The following NRXN3 variants were observed in gnomAD, a reference collection of about 807,000 sequenced individuals.
The protein encoded by NRXN3 is neurexin 3, also known as neurexin III.
In NRXN3, 32 loss-of-function variants were observed where a neutral mutation model predicts 137.6. That is an observed-to-expected ratio of 0.23 (90% CI 0.18 to 0.31). NRXN3 has a LOEUF of 0.31. Ranked by LOEUF, NRXN3 falls within the 10% of genes least tolerant of loss-of-function variation. The probability of loss-of-function intolerance (pLI) is 1.00; values close to 1 mark genes in which losing one functional copy is unlikely to be tolerated. For synonymous variants in NRXN3, 798 were observed against 784.5 expected, an observed-to-expected ratio of 1.02 and a Z score of -0.29; for missense variants, 1,574 against 2,062.5, an observed-to-expected ratio of 0.76 and a Z score of 4.59.
intron 15 of NRXN3, among the ~76,000 whole-genome samples, chr14:79,193,044 C>T (rs1004001406): frequency 1.3e-5 from 2 of 151,900 alleles, no homozygotes; most frequent in Non-Finnish European, 2.9e-5. Flanking sequence ...GCTGGGATTA[C>T]AGGCGTGAGC....
chr14:78,288,245 G>T (rs963275941), intron 3 of NRXN3, among the ~76,000 whole-genome samples: 1 of 152,146 alleles, frequency 6.6e-6, no homozygotes, highest in Non-Finnish European at 1.5e-5. Context: ...TTCCAAAAGT[G>T]CTGGGATTAC....
chr14:79,568,625 C>T (rs1370555384), intron 16 of NRXN3, among the ~76,000 whole-genome samples: 1 of 152,200 alleles, frequency 6.6e-6, no homozygotes, highest in Non-Finnish European at 1.5e-5. Flanking sequence ...AGCCGGGAGA[C>T]TCCTCCTGTG....
chr14:79,342,358 T>C (rs1025262625), intron 15 of NRXN3, among the ~76,000 whole-genome samples: 2 of 152,208 alleles, frequency 1.3e-5, no homozygotes, highest in African/African-American at 4.8e-5. Context: ...TCTCCTGATA[T>C]TAGAGTCTGG....
chr14:79,038,302 G>A (rs2099619553), intron 15 of NRXN3, among the ~76,000 whole-genome samples: 1 of 151,988 alleles, frequency 6.6e-6, no homozygotes, highest in African/African-American at 2.4e-5. Context: ...GAAGAGATAA[G>A]CAGTTTATTC....
chr14:78,873,568 C>T (rs2099106453), intron 10 of NRXN3, among the ~76,000 whole-genome samples: 1 of 152,186 alleles, frequency 6.6e-6, no homozygotes. Context: ...AACATCATTT[C>T]AGTTAACTGA....
At chr14:78,292,023 G>C (rs899412999) in intron 3 of NRXN3, among the ~76,000 whole-genome samples, 1 of 152,196 alleles carries the variant, frequency 6.6e-6, no homozygotes, top group African/African-American at 2.4e-5. Flanking sequence ...CATCTGAGGT[G>C]GGTGGGATAT....
At chr14:78,917,106 G>A (rs1008435377) in intron 10 of NRXN3, among the ~76,000 whole-genome samples, 1 of 152,156 alleles carries the variant, frequency 6.6e-6, no homozygotes, top group Non-Finnish European at 1.5e-5. Flanking sequence ...TGTTTGGAGG[G>A]ACAGAATTCA....
chr14:78,294,845 T>C (rs12435398), intron 3 of NRXN3, among the ~76,000 whole-genome samples: 29,694 of 152,106 alleles, frequency 0.2, 3,010 homozygotes, highest in Middle Eastern at 0.31. Flanking sequence ...AGCACATGCA[T>C]ACCTTCGCAG....
At chr14:78,332,324 T>C (rs1463179099) in intron 4 of NRXN3, among the ~76,000 whole-genome samples, 15 of 150,226 alleles carry the variant, frequency 1.0e-4, no homozygotes, top group African/African-American at 3.4e-4. Context: ...TCTTCTTTTT[T>C]TTTTTTTTTT....
intron 16 of NRXN3, among the ~76,000 whole-genome samples, chr14:79,612,266 C>A (rs993982020): frequency 5.3e-5 from 8 of 152,152 alleles, no homozygotes; most frequent in African/African-American, 1.7e-4. Context: ...GGAGGAAATT[C>A]ATTGGTTCAG....
intron 15 of NRXN3, among the ~76,000 whole-genome samples, chr14:79,438,829 A>AG (rs2095884065): frequency 6.6e-6 from 1 of 152,244 alleles, no homozygotes; most frequent in Non-Finnish European, 1.5e-5. Context: ...AGATAATAAG[A>AG]GAAAGGTGCC....
chr14:79,824,200 C>T lies in NRXN3; in HGVS notation c.4093+19010C>T, dbSNP rs533594294. ...CTTTACATTCATGTCTCTCTACCTCCCTCTTCCTCTTCTGTCTCTCCCTCG... is the reference window on the plus strand; with the variant it reads ...CTTTACATTCATGTCTCTCTACCTCTCTCTTCCTCTTCTGTCTCTCCCTCG... On this transcript the variant is annotated intron_variant, in intron 20 of 20. Coordinates refer to ENST00000335750, the MANE Select transcript of NRXN3 (RefSeq NM_001330195.2). 2.0e-5 allele frequency among the ~76,000 whole-genome samples: 3 copies of T among 152,300 alleles called. No homozygotes were observed. The East Asian group carries it at 5.8e-4, about 29-fold the overall frequency.
At chr14:79,855,905 T>G (rs1282356638) in intron 20 of NRXN3, among the ~76,000 whole-genome samples, 2 of 152,190 alleles carry the variant, frequency 1.3e-5, no homozygotes, top group African/African-American at 2.4e-5. Context: ...ACCAAATTCC[T>G]AGCACTAGTA....
At chr14:78,945,221 G>C (rs1201202566) in intron 10 of NRXN3, among the ~76,000 whole-genome samples, 18 of 151,922 alleles carry the variant, frequency 1.2e-4, no homozygotes, top group Non-Finnish European at 1.5e-5. Context: ...AACTATTAAG[G>C]GTTTTATTTT....
At chr14:79,002,302 A>G (rs1412187788) in intron 15 of NRXN3, among the ~76,000 whole-genome samples, 1 of 152,084 alleles carries the variant, frequency 6.6e-6, no homozygotes, top group Non-Finnish European at 1.5e-5. Flanking sequence ...TTGCTGCACT[A>G]TCAGCCTATC....
intron 4 of NRXN3, among the ~76,000 whole-genome samples, chr14:78,460,448 T>G (rs889198067): frequency 1.3e-5 from 2 of 152,210 alleles, no homozygotes; most frequent in Non-Finnish European, 2.9e-5. Flanking sequence ...CCCCAGCCAC[T>G]AGTCATTTCA....
Position 79,861,946 on chromosome 14 carries a change from C to G in NRXN3, c.4698C>G (p.Asp1566Glu), listed in dbSNP as rs777291786. Reference protein sequence around the residue: ...KSGHKKQKNKDREYYV With the variant: ...KSGHKKQKNKEREYYV The stretch of plus-strand genomic sequence containing the variant: ...GCCACAAGAAACAGAAAAACAAGGA[C>G]AGGGAGTATTACGTGTAAACATGCG... Residue 1566 changes from aspartate to glutamate, a missense_variant, in exon 21 of 21, where the codon GAC becomes GAG. By Grantham distance (45) the Asp-to-Glu change is conservative. This residue lies in a region of NRXN3 where 320 missense variants were observed against 387.1 expected (regional missense o/e 0.83). Coordinates refer to ENST00000335750, the MANE Select transcript of NRXN3 (RefSeq NM_001330195.2). This position sits in a 1 kb window ranked among gnomAD's most constrained non-coding sequence, Gnocchi z 5.4. 8.7e-6 allele frequency: 14 copies of G among 1,612,992 alleles called. No homozygotes were observed.
At chr14:79,316,616 A>C (rs952975097) in intron 15 of NRXN3, among the ~76,000 whole-genome samples, 4 of 152,182 alleles carry the variant, frequency 2.6e-5, no homozygotes, top group African/African-American at 9.7e-5. Flanking sequence ...ATCTGGGTGC[A>C]TGCCAGTTGA....
chr14:78,326,767 TGTTCTAG>T (rs1271722147), intron 4 of NRXN3, among the ~76,000 whole-genome samples: 2 of 152,200 alleles, frequency 1.3e-5, no homozygotes, highest in Non-Finnish European at 2.9e-5. Flanking sequence ...TGCTATGATC[TGTTCTAG>T]GTGTGGGGAA....
Sources: allele counts gnomAD v4.1 joint callset (sites outside exome capture counted in the v4.1 genomes callset), GRCh38; gene constraint gnomAD v4.1.1; regional missense constraint gnomAD v4.1.1; non-coding constraint Gnocchi (gnomAD v3.1); transcripts MANE v1.5; gene names NCBI Gene and HGNC (gene_info 2026-07-23, HGNC 2026-07-21).